WDR17: variants seen among roughly 807,000 people sequenced by gnomAD.
The protein encoded by WDR17 is WD repeat-containing protein 17.
A neutral mutation model predicts 161.7 loss-of-function variants in WDR17; 143 were observed. The observed-to-expected ratio is 0.88, with a 90% confidence interval of 0.77 to 1.02. WDR17 has a LOEUF of 1.02. WDR17 is among the 50% of genes least tolerant of loss of function. The pLI is 0.00. For synonymous variants in WDR17, 517 were observed against 515.6 expected, an observed-to-expected ratio of 1.00 and a Z score of -0.04; for missense variants, 1,469 against 1,520.9, an observed-to-expected ratio of 0.97 and a Z score of 0.57.
rs375540817 is a variant in WDR17, at chr4:176,110,958, G to A, written c.-6-617G>A. Reference sequence around the variant, plus strand: ...ACAATTTTTGTTCAGATACTTTTCAGCTTCTTTCTGCCCGATCCTAACAGT... The same window carrying A: ...ACAATTTTTGTTCAGATACTTTTCAACTTCTTTCTGCCCGATCCTAACAGT... On this transcript the variant is annotated intron_variant, in intron 1 of 28. Coordinates refer to ENST00000508596, the MANE Select transcript of WDR17 (RefSeq NM_181265.4). Among the ~76,000 whole-genome samples the A allele has an allele frequency of 2.6e-5, 4 of 152,112 alleles. No individual in the cohort carries two copies. In the East Asian group the frequency reaches 5.8e-4, roughly 22 times the overall value.
chr4:176,115,967 G>C lies in WDR17; in HGVS notation c.295G>C (p.Asp99His), dbSNP rs764121573. 3 of 1,604,044 alleles carry C rather than the reference G, an allele frequency of 1.9e-6. No homozygotes were observed. Among genetic ancestry groups the C allele is most frequent in the Non-Finnish European group, 2.6e-6 (3 of 1,175,532 alleles). Residue 99 changes from aspartate to histidine, a missense_variant, in exon 3 of 29, where the codon GAC (aspartate) becomes CAC (histidine). Coordinates refer to ENST00000508596, the MANE Select transcript of WDR17 (RefSeq NM_181265.4). The part of the protein sequence containing the change: ...VAEQKVIAKL[D>H]STKGIPASLS... ...AGAACAAAAAGTCATTGCTAAACTC[G>C]ACAGTACAAAAGGTATAATTACAAC...
Position 176,105,893 on chromosome 4 carries a change from A to G in WDR17, c.-6-5682A>G, listed in dbSNP as rs1310030944. 3.9e-5 allele frequency among the ~76,000 whole-genome samples: 6 copies of G among 152,234 alleles called. No homozygotes were observed. The East Asian group carries it at 1.2e-3, about 29-fold the overall frequency. On this transcript the variant is annotated intron_variant, in intron 1 of 28. Transcript: ENST00000508596. Reference sequence around the variant, plus strand: ...AATGAAGTAGAGAATAGAAAAAAAAATAGAGAAAAAGATCAACGAAATTGT... The same window carrying G: ...AATGAAGTAGAGAATAGAAAAAAAAGTAGAGAAAAAGATCAACGAAATTGT...
chr4:176,098,839 T>G lies in WDR17; in HGVS notation c.-6-12736T>G, dbSNP rs189099059. ...TATTTTTTTTGAAATAGCTATTTTATTTTGTCCTAATTATTATTTTAATAT... is the reference window on the plus strand; with the variant it reads ...TATTTTTTTTGAAATAGCTATTTTAGTTTGTCCTAATTATTATTTTAATAT... On this transcript the variant is annotated intron_variant, in intron 1 of 28. Transcript: ENST00000508596. Among the ~76,000 whole-genome samples the G allele has an allele frequency of 2.7e-4, 41 of 152,078 alleles. No individual in the cohort carries two copies. In the East Asian group the frequency reaches 7.9e-3, roughly 29 times the overall value.
chr4:176,121,362 C>T (rs1448543042), intron 4 of WDR17, among the ~76,000 whole-genome samples: 6 of 152,076 alleles, frequency 3.9e-5, no homozygotes, highest in Admixed American at 6.6e-5. Context: ...CCTTTGTCTC[C>T]GGCAGTCTTC....
At chr4:176,069,683 C>T (rs376039111) in intron 1 of WDR17, among the ~76,000 whole-genome samples, 1 of 151,946 alleles carries the variant, frequency 6.6e-6, no homozygotes, top group African/African-American at 2.4e-5. Flanking sequence ...TACCAGTGTC[C>T]CAGGCAGACT....
intron 5 of WDR17, among the ~76,000 whole-genome samples, chr4:176,127,483 A>G (rs1463306226): frequency 6.6e-6 from 1 of 151,918 alleles, no homozygotes; most frequent in Admixed American, 6.6e-5. Context: ...TTTAGTAGAG[A>G]CGGTGTTTTA....
chr4:176,177,166 T>C lies in WDR17; in HGVS notation c.3548+10T>C. On this transcript the variant is annotated intron_variant, in intron 27 of 28. Coordinates refer to ENST00000508596, the MANE Select transcript of WDR17 (RefSeq NM_181265.4). ...CACAGTCCACCAACAGGTGAGCAAA[T>C]ATGATATAAAAATTGGAATGCAGAA... The C allele has an allele frequency of 6.2e-7, 1 of 1,608,230 alleles. No homozygotes were observed. The highest frequency in any genetic ancestry group is 1.1e-5 in the South Asian group (1 of 90,840).
intron 6 of WDR17, among the ~76,000 whole-genome samples, chr4:176,130,380 T>C (rs35278046): frequency 0.22 from 33,165 of 152,134 alleles, 3,788 homozygotes; most frequent in South Asian, 0.27. Context: ...CTTTCTGTAA[T>C]TCTCAGATTC....
intron 5 of WDR17, among the ~76,000 whole-genome samples, chr4:176,128,177 G>A (rs1167160676): frequency 1.3e-5 from 2 of 152,138 alleles, no homozygotes; most frequent in Non-Finnish European, 2.9e-5. Context: ...CTCAAGGAGA[G>A]GAATTGCTAA....
intron 1 of WDR17, among the ~76,000 whole-genome samples, chr4:176,088,436 A>T (rs1165698334): frequency 3.9e-5 from 6 of 152,208 alleles, no homozygotes; most frequent in Middle Eastern, 3.4e-3. Context: ...AAAAATTTCA[A>T]ACTGGAATCA....
In WDR17 at chr4:176,135,109, G is replaced by A. The variant is rs781208891; in HGVS notation, c.1100G>A (p.Gly367Glu). The A allele has an allele frequency of 6.2e-7, 1 of 1,611,598 alleles. No individual in the cohort carries two copies. Among genetic ancestry groups the A allele is most frequent in the African/African-American group, 1.3e-5 (1 of 74,890 alleles). Residue 367 changes from glycine to glutamate, a missense_variant and splice_region_variant, in exon 8 of 29, where the codon GGA becomes GAA. Physicochemically the swap from Gly to Glu is moderately conservative, Grantham distance 98. Transcript: ENST00000508596. ...GACTTTTTTATGCCATATTCCTAGGGACATGTGGAAACTATCTTTGACTGC... is the reference window on the plus strand; with the variant it reads ...GACTTTTTTATGCCATATTCCTAGGAACATGTGGAAACTATCTTTGACTGC... ...AKKWDFLRDL[G>E]HVETIFDCKF...
chr4:176,096,497 C>T, intron 1 of WDR17: 1 of 1,589,608 alleles, frequency 6.3e-7, no homozygotes, highest in East Asian at 2.3e-5. Flanking sequence ...TTCCAATTGC[C>T]TTGATTAAAG....
At chr4:176,118,225 G>A (rs1274413177) in intron 3 of WDR17, among the ~76,000 whole-genome samples, 1 of 152,102 alleles carries the variant, frequency 6.6e-6, no homozygotes, top group Non-Finnish European at 1.5e-5. Context: ...CACTATAAAA[G>A]TGTTTTCTAT....
intron 1 of WDR17, among the ~76,000 whole-genome samples, chr4:176,091,033 A>G (rs1455846172): frequency 1.3e-5 from 2 of 151,752 alleles, no homozygotes; most frequent in African/African-American, 4.8e-5. Flanking sequence ...TAAGCCAACA[A>G]CCTCCCAGCG....
intron 16 of WDR17, 58 bp from the exon 17 acceptor site, chr4:176,151,754 C>A (rs1747152188): frequency 1.4e-6 from 2 of 1,413,846 alleles, no homozygotes; most frequent in African/African-American, 1.5e-5. Flanking sequence ...ATTATTGTGA[C>A]ACATACAAAA....
chr4:176,086,139 A>G (rs1735386477), intron 1 of WDR17, among the ~76,000 whole-genome samples: 1 of 151,980 alleles, frequency 6.6e-6, no homozygotes, highest in Admixed American at 6.6e-5. Context: ...ACTTAATTCT[A>G]TCCTGATTTT....
At position 176,071,354 on chromosome 4, in the gene WDR17, A is replaced by T. The variant is rs183128701; in HGVS notation, c.-7+5275A>T. Among the ~76,000 whole-genome samples the T allele has an allele frequency of 9.1e-3, 1,263 of 138,612 alleles. 5 individuals carry two copies. Among genetic ancestry groups the T allele is most frequent in the Middle Eastern group, 0.028 (7 of 246 alleles). The allele number at this position is 138,612 out of a possible 152,430, so 90.9% of individuals were successfully genotyped here. A position where few individuals can be genotyped will look rare whatever the true frequency, so the allele number is the denominator to read the frequency against. ...TCTTTTTTTTTTGAGACAGAGTCTCACTCTGTCGCCCAGGCTGGAGTGCAG... is the reference window on the plus strand; with the variant it reads ...TCTTTTTTTTTTGAGACAGAGTCTCTCTCTGTCGCCCAGGCTGGAGTGCAG... On this transcript the variant is annotated intron_variant, in intron 1 of 28. Transcript: ENST00000508596.
intron 1 of WDR17, among the ~76,000 whole-genome samples, chr4:176,073,039 C>T (rs1163245978): frequency 6.6e-6 from 1 of 152,082 alleles, no homozygotes; most frequent in Non-Finnish European, 1.5e-5. Flanking sequence ...ATTTTGCTTT[C>T]CTTCAAATGT....
intron 18 of WDR17, among the ~76,000 whole-genome samples, chr4:176,159,248 C>T (rs148290089): frequency 8.0e-4 from 120 of 150,324 alleles, no homozygotes; most frequent in Non-Finnish European, 1.5e-3. Context: ...ATACCTGAGA[C>T]GTAGATGGGA....
Sources: allele counts gnomAD v4.1 joint callset (sites outside exome capture counted in the v4.1 genomes callset), GRCh38; gene constraint gnomAD v4.1.1; transcripts MANE v1.5; gene names NCBI Gene and HGNC (gene_info 2026-07-23, HGNC 2026-07-21).